Variants in GALNT7 observed in about 807,000 individuals in gnomAD.
GALNT7 encodes the protein polypeptide N-acetylgalactosaminyltransferase 7, also known as N-acetylgalactosaminyltransferase 7.
In GALNT7, 60 loss-of-function variants were observed where a neutral mutation model predicts 82.1. The ratio of observed to expected loss-of-function variants is 0.73; its 90% confidence interval spans 0.59 to 0.91. The LOEUF is 0.91. GALNT7 is among the 40% of genes least tolerant of loss of function. The pLI is 0.00. For synonymous variants in GALNT7, 243 were observed against 275.1 expected, an observed-to-expected ratio of 0.88 and a Z score of 1.15; for missense variants, 660 against 804.2, an observed-to-expected ratio of 0.82 and a Z score of 2.17.
At chr4:173,213,046 G>A (rs1042295758) in intron 1 of GALNT7, among the ~76,000 whole-genome samples, 16 of 152,000 alleles carry the variant, frequency 1.1e-4, no homozygotes, top group African/African-American at 3.9e-4. Context: ...GGAAGTATGA[G>A]TTACTATTGA....
chr4:173,274,410 A>G (rs1449224520), intron 2 of GALNT7, among the ~76,000 whole-genome samples: 1 of 152,088 alleles, frequency 6.6e-6, no homozygotes, highest in East Asian at 1.9e-4. Flanking sequence ...AAAATAAGGA[A>G]TTTATTTTCC....
At chr4:173,184,938 G>A (rs1285771050) in intron 1 of GALNT7, among the ~76,000 whole-genome samples, 1 of 152,132 alleles carries the variant, frequency 6.6e-6, no homozygotes, top group Non-Finnish European at 1.5e-5. Flanking sequence ...AACATATACA[G>A]TGCCTTCTTA....
chr4:173,272,308 C>A (rs907892130), intron 2 of GALNT7, among the ~76,000 whole-genome samples: 4 of 152,192 alleles, frequency 2.6e-5, no homozygotes, highest in African/African-American at 9.7e-5. Flanking sequence ...GAGAATGCAA[C>A]AAACTGATAC....
chr4:173,182,810 C>T (rs943309647), intron 1 of GALNT7, among the ~76,000 whole-genome samples: 2 of 114,222 alleles, frequency 1.8e-5, no homozygotes, highest in African/African-American at 7.2e-5. Context: ...TAGTAGGTTA[C>T]TCATAATACA....
At chr4:173,251,388 T>C (rs1343368588) in intron 2 of GALNT7, among the ~76,000 whole-genome samples, 2 of 152,222 alleles carry the variant, frequency 1.3e-5, no homozygotes, top group African/African-American at 4.8e-5. Flanking sequence ...ACCTGAGTAT[T>C]ATTAGCTGTT....
chr4:173,288,902 T>C (rs1173639833), intron 2 of GALNT7, among the ~76,000 whole-genome samples: 2 of 151,896 alleles, frequency 1.3e-5, no homozygotes, highest in Non-Finnish European at 2.9e-5. Flanking sequence ...TGTTTGTCAG[T>C]TGGTGTCTTA....
At chr4:173,257,212 T>G (rs1376704993) in intron 2 of GALNT7, among the ~76,000 whole-genome samples, 2 of 152,206 alleles carry the variant, frequency 1.3e-5, no homozygotes, top group Non-Finnish European at 2.9e-5. Flanking sequence ...CCTTGATCTA[T>G]AGGAATCATT....
intron 2 of GALNT7, chr4:173,268,163 G>A (rs1735573029): frequency 1.3e-5 from 2 of 154,602 alleles, no homozygotes; most frequent in Non-Finnish European, 2.9e-5. Context: ...AAATGTTAGG[G>A]TGGTGCAAAA....
chr4:173,246,597 G>A (rs1306425567), intron 1 of GALNT7, among the ~76,000 whole-genome samples: 4 of 151,960 alleles, frequency 2.6e-5, no homozygotes, highest in Non-Finnish European at 5.9e-5. Flanking sequence ...ATTTCTTTTT[G>A]AACTCTTGAA....
chr4:173,240,979 G>A (rs1330748861), intron 1 of GALNT7, among the ~76,000 whole-genome samples: 1 of 152,270 alleles, frequency 6.6e-6, no homozygotes, highest in East Asian at 1.9e-4. Flanking sequence ...GGAGGGGATT[G>A]CACTGGATGC....
At chr4:173,203,704 T>C (rs139994419) in intron 1 of GALNT7, among the ~76,000 whole-genome samples, 1 of 152,360 alleles carries the variant, frequency 6.6e-6, no homozygotes, top group Non-Finnish European at 1.5e-5. Context: ...TTTAAGTTGA[T>C]AACAACTCAG....
At chr4:173,173,235 A>G (rs1010077830) in intron 1 of GALNT7, among the ~76,000 whole-genome samples, 1 of 151,748 alleles carries the variant, frequency 6.6e-6, no homozygotes, top group African/African-American at 2.4e-5. Context: ...TTTTATGATT[A>G]TGGGAAGCTT....
chr4:173,256,677 C>T lies in GALNT7; in HGVS notation c.587+8237C>T, dbSNP rs72711053. ...GATTGCTAGGACTACATATACGAGG[C>T]AGAAATGCCTATAATTGCACCTAAA... On this transcript the variant is annotated intron_variant, in intron 2 of 11. Coordinates refer to ENST00000265000, the MANE Select transcript of GALNT7 (RefSeq NM_017423.3). 5.8e-3 allele frequency among the ~76,000 whole-genome samples: 886 copies of T among 152,186 alleles called. 1 individual carries two copies. The highest frequency in any genetic ancestry group is 9.4e-3 in the Non-Finnish European group (640 of 68,022).
At chr4:173,303,901 ATTTAGAT>A (rs773224195) in intron 7 of GALNT7, 88 bp from the exon 8 acceptor site, 361 of 1,074,574 alleles carry the variant, frequency 3.4e-4, no homozygotes, top group Non-Finnish European at 4.6e-4. Context: ...ACTGTATATA[ATTTAGAT>A]TTTAGATTTA....
At chr4:173,291,722 T>C (rs1239263261) in intron 2 of GALNT7, among the ~76,000 whole-genome samples, 1 of 151,964 alleles carries the variant, frequency 6.6e-6, no homozygotes, top group Non-Finnish European at 1.5e-5. Context: ...TAATGGTTTA[T>C]TTAGCAAGTG....
intron 1 of GALNT7, among the ~76,000 whole-genome samples, chr4:173,243,506 C>T (rs1320638020): frequency 6.6e-6 from 1 of 152,194 alleles, no homozygotes; most frequent in African/African-American, 2.4e-5. Context: ...CAGTGAGTCA[C>T]AGAGGCATCT....
At chr4:173,295,677 T>C (rs1388143917) in intron 4 of GALNT7, 87 bp from the exon 5 acceptor site, 2 of 1,121,562 alleles carry the variant, frequency 1.8e-6, no homozygotes, top group Non-Finnish European at 2.7e-6. Flanking sequence ...TAATGCTAAT[T>C]TTTATTAGCA....
chr4:173,311,360 A>G (rs1435482274), intron 8 of GALNT7, among the ~76,000 whole-genome samples: 1 of 152,206 alleles, frequency 6.6e-6, no homozygotes, highest in East Asian at 1.9e-4. Flanking sequence ...TTAGTGGTAT[A>G]TTAGTCTGTT....
At chr4:173,202,770 A>T (rs1313314594) in intron 1 of GALNT7, among the ~76,000 whole-genome samples, 1 of 152,184 alleles carries the variant, frequency 6.6e-6, no homozygotes, top group African/African-American at 2.4e-5. Context: ...TGAGATACAT[A>T]CTATCATTGT....
Sources: gnomAD v4.1 joint callset for allele counts (sites outside exome capture counted in the v4.1 genomes callset) on GRCh38, gnomAD v4.1.1 for gene constraint, MANE v1.5 for transcripts, NCBI Gene and HGNC (gene_info 2026-07-23, HGNC 2026-07-21) for gene names.